FANCM: variants seen among roughly 807,000 people sequenced by gnomAD.
FANCM encodes the protein Fanconi anemia group M protein.
A neutral mutation model predicts 199.5 loss-of-function variants in FANCM; 140 were observed. That is an observed-to-expected ratio of 0.70 (90% confidence interval 0.61 to 0.81). FANCM has a LOEUF of 0.81. FANCM is among the 30% of genes least tolerant of loss of function. FANCM has a pLI of 0.00. For synonymous variants in FANCM, 840 were observed against 836.8 expected (o/e 1.00, Z -0.07); for missense variants, 2,410 against 2,421.4 (o/e 1.00, Z 0.10).
At chr14:45,180,174 C>T (rs1050065139) in intron 14 of FANCM, among the ~76,000 whole-genome samples, 4 of 152,126 alleles carry the variant, frequency 2.6e-5, no homozygotes, top group Admixed American at 6.6e-5. Flanking sequence ...CAAAACTTAA[C>T]GATGTAAAAT....
At chr14:45,173,576 C>G (rs879787071) in intron 13 of FANCM, among the ~76,000 whole-genome samples, 2 of 152,130 alleles carry the variant, frequency 1.3e-5, no homozygotes, top group Admixed American at 1.3e-4. Flanking sequence ...ATTATAGATT[C>G]CTTGAGCAGT....
At chr14:45,162,864 C>CT (rs145423568) in intron 9 of FANCM, among the ~76,000 whole-genome samples, 71 of 148,520 alleles carry the variant, frequency 4.8e-4, no homozygotes, top group African/African-American at 1.1e-3. Flanking sequence ...GCACTGTGGC[C>CT]TTTTTTTTTT....
At chr14:45,187,139 A>G (rs951537764) in intron 18 of FANCM, among the ~76,000 whole-genome samples, 2 of 152,056 alleles carry the variant, frequency 1.3e-5, no homozygotes, top group Non-Finnish European at 1.5e-5. Context: ...GAAGCAATTT[A>G]GATGGTGATT....
At chr14:45,173,990 T>C (rs1888503191) in intron 13 of FANCM, among the ~76,000 whole-genome samples, 1 of 152,234 alleles carries the variant, frequency 6.6e-6, no homozygotes, top group Non-Finnish European at 1.5e-5. Flanking sequence ...GCTTTATGGC[T>C]ATAACCGTTA....
At chr14:45,163,756 G>A (rs1566747771) in intron 9 of FANCM, among the ~76,000 whole-genome samples, 1 of 152,160 alleles carries the variant, frequency 6.6e-6, no homozygotes, top group South Asian at 2.1e-4. Flanking sequence ...TCCCCTTTCT[G>A]TGGTGCTAAA....
At chr14:45,187,997 G>A (rs1889513177) in intron 19 of FANCM, 110 bp downstream of exon 19, 1 of 696,460 alleles carries the variant, frequency 1.4e-6, no homozygotes, top group African/African-American at 1.8e-5. Context: ...AGAGCTATTT[G>A]AGATCATTTC....
At position 45,136,390 on chromosome 14, in the gene FANCM, T is replaced by C. The variant is rs1165651770; in HGVS notation, c.359T>C (p.Ile120Thr). Residue 120 changes from isoleucine (I) to threonine (T), a missense_variant, in exon 1 of 23, where the codon ATT becomes ACT. Transcript: ENST00000267430. ...CCTACCGGACTGGGAAAGACCTTTATTGCCGCCGTGGTCATGTACAATTTC... is the reference window on the plus strand; with the variant it reads ...CCTACCGGACTGGGAAAGACCTTTACTGCCGCCGTGGTCATGTACAATTTC... ...CLPTGLGKTF[I>T]AAVVMYNFYR... is the part of the protein sequence containing the mutation. 4 of 1,614,154 alleles carry C rather than the reference T, an allele frequency of 2.5e-6. No individual in the cohort carries two copies. Among genetic ancestry groups the C allele is most frequent in the Non-Finnish European group, 2.5e-6 (3 of 1,180,010 alleles).
intron 21 of FANCM, among the ~76,000 whole-genome samples, chr14:45,197,329 A>C (rs1307464137): frequency 6.6e-6 from 1 of 152,202 alleles, no homozygotes; most frequent in African/African-American, 2.4e-5. Context: ...AGAATTGAAG[A>C]ATTATACTTT....
Position 45,170,605 on chromosome 14 carries a change from C to G in FANCM, c.2019C>G (p.Ser673Arg), listed in dbSNP as rs778077453. Residue 673 changes from serine to arginine, a missense_variant, in exon 12 of 23, where the codon AGC becomes AGG. Coordinates refer to ENST00000267430, the MANE Select transcript of FANCM (RefSeq NM_020937.4). ...FSYRDGMRQS[S>R]LKKDWFLSEE... ...AACTTATAGGAATGAGGCAAAGTAG[C>G]CTAAAGAAAGATTGGTTCTTATCAG... 6.3e-7 allele frequency: 1 copy of G among 1,599,590 alleles called. No individual in the cohort carries two copies.
chr14:45,182,606 C>G (rs1219933258), intron 16 of FANCM, among the ~76,000 whole-genome samples: 1 of 152,104 alleles, frequency 6.6e-6, no homozygotes, highest in East Asian at 1.9e-4. Flanking sequence ...GATAGATGGA[C>G]AGGTCTTAAG....
At chr14:45,141,052 G>T (rs1343728968) in intron 3 of FANCM, among the ~76,000 whole-genome samples, 1 of 152,078 alleles carries the variant, frequency 6.6e-6, no homozygotes, top group Non-Finnish European at 1.5e-5. Flanking sequence ...ACTCTGGGAG[G>T]CCAAGGTGGG....
At chr14:45,180,257 T>C (rs1034313081) in intron 14 of FANCM, among the ~76,000 whole-genome samples, 3 of 152,278 alleles carry the variant, frequency 2.0e-5, no homozygotes, top group African/African-American at 7.2e-5. Flanking sequence ...GGTTCTGGCC[T>C]AGGATATTTC....
chr14:45,136,415 C>G lies in FANCM; in HGVS notation c.384C>G (p.Phe128Leu), dbSNP rs1566716816. 1.2e-6 allele frequency: 2 copies of G among 1,614,218 alleles called. No homozygotes were observed. Among genetic ancestry groups the G allele is most frequent in the Non-Finnish European group, 1.7e-6 (2 of 1,180,038 alleles). The change falls in exon 1 of 23, where the codon TTC (phenylalanine) becomes TTG (leucine). Residue 128 changes from phenylalanine to leucine, a missense_variant. By Grantham distance (22) the Phe-to-Leu change is conservative. Coordinates refer to ENST00000267430, the MANE Select transcript of FANCM (RefSeq NM_020937.4). Reference sequence around the variant, plus strand: ...TTGCCGCCGTGGTCATGTACAATTTCTACCGCTGGTTCCCTTCAGGAAAGG... The same window carrying G: ...TTGCCGCCGTGGTCATGTACAATTTGTACCGCTGGTTCCCTTCAGGAAAGG... ...TFIAAVVMYN[F>L]YRWFPSGKVV...
Position 45,136,247 on chromosome 14 carries a change from T to C in FANCM, c.216T>C (p.Asn72=). Residue 72 remains asparagine (N), a synonymous_variant, in exon 1 of 23, where the codon AAT becomes AAC. Transcript: ENST00000267430. ...YEAERQLCLE[N]GGFCTSAGAL... Reference sequence around the variant, plus strand: ...CTGAGCGGCAGTTGTGTCTAGAGAATGGCGGGTTCTGCACCTCCGCGGGCG... The same window carrying C: ...CTGAGCGGCAGTTGTGTCTAGAGAACGGCGGGTTCTGCACCTCCGCGGGCG... 1 of 1,614,162 alleles carries C rather than the reference T, an allele frequency of 6.2e-7. No individual in the cohort carries two copies. Among genetic ancestry groups the C allele is most frequent in the Non-Finnish European group, 8.5e-7 (1 of 1,180,022 alleles).
chr14:45,136,382 G>A lies in FANCM; in HGVS notation c.351G>A (p.Lys117=). ...TGTGTCTGCCTACCGGACTGGGAAA[G>A]ACCTTTATTGCCGCCGTGGTCATGT... The part of the protein sequence containing the change: ...TLVCLPTGLG[K]TFIAAVVMYN... The change falls in exon 1 of 23, where the codon AAG becomes AAA. Residue 117 remains lysine, a synonymous_variant. Coordinates refer to ENST00000267430, the MANE Select transcript of FANCM (RefSeq NM_020937.4). The A allele has an allele frequency of 1.9e-6, 3 of 1,614,188 alleles. No individual in the cohort carries two copies. The highest frequency in any genetic ancestry group is 2.5e-6 in the Non-Finnish European group (3 of 1,180,028).
Position 45,170,689 on chromosome 14 carries a change from A to G in FANCM, c.2103A>G (p.Lys701=). The change falls in exon 12 of 23, where the codon AAA becomes AAG. Residue 701 remains lysine, a synonymous_variant. Coordinates refer to ENST00000267430, the MANE Select transcript of FANCM (RefSeq NM_020937.4). ...LYRLRDSDEI[K]EITLPQVQFS... ...GATTAAGGGACAGTGATGAAATTAA[A>G]GAGATAACATTGCCTCAAGTTCAGT... 1 of 1,609,820 alleles carries G rather than the reference A, an allele frequency of 6.2e-7. No individual in the cohort carries two copies. The highest frequency in any genetic ancestry group is 8.5e-7 in the Non-Finnish European group (1 of 1,176,146).
chr14:45,151,309 T>G, intron 4 of FANCM, 88 bp from the exon 5 acceptor site: 1 of 1,053,952 alleles, frequency 9.5e-7, no homozygotes, highest in Non-Finnish European at 1.4e-6. Context: ...ATTAAATATA[T>G]AATTCCTATT....
At chr14:45,148,156 C>A (rs979258860) in intron 3 of FANCM, among the ~76,000 whole-genome samples, 3 of 151,690 alleles carry the variant, frequency 2.0e-5, no homozygotes, top group African/African-American at 7.3e-5. Flanking sequence ...GATATCGTGC[C>A]ACTGTGCTCC....
chr14:45,138,556 C>G (rs1885689045), intron 2 of FANCM, among the ~76,000 whole-genome samples: 1 of 151,884 alleles, frequency 6.6e-6, no homozygotes, highest in Non-Finnish European at 1.5e-5. Context: ...TAGCTTGAGG[C>G]CAGGAGTTTG....
Sources: gnomAD v4.1 joint callset for allele counts (sites outside exome capture counted in the v4.1 genomes callset) on GRCh38, gnomAD v4.1.1 for gene constraint, MANE v1.5 for transcripts, NCBI Gene and HGNC (gene_info 2026-07-23, HGNC 2026-07-21) for gene names.